LRP8: variants seen among roughly 807,000 people sequenced by gnomAD.
LRP8 encodes low-density lipoprotein receptor-related protein 8.
LRP8 carries 46 observed loss-of-function variants against 111.6 expected under a neutral mutation model. The ratio of observed to expected loss-of-function variants is 0.41; its 90% confidence interval spans 0.33 to 0.53. The LOEUF (loss-of-function observed/expected upper bound fraction) is 0.53. LRP8 is among the 20% of genes least tolerant of loss of function. The pLI, the probability that LRP8 is intolerant of heterozygous loss-of-function variation, is 0.20. For missense variants in LRP8, 959 were observed against 1,297.4 expected (o/e 0.74, Z 4.01); for synonymous variants, 464 against 511.2 (o/e 0.91, Z 1.24).
intron 6 of LRP8, chr1:53,272,696 A>C: frequency 6.2e-6 from 8 of 1,286,798 alleles, no homozygotes; most frequent in South Asian, 2.5e-5. Context: ...GGGATGACTC[A>C]GCCAGGCCCA....
At chr1:53,270,299 C>A (rs1646720117) in intron 8 of LRP8, among the ~76,000 whole-genome samples, 1 of 152,130 alleles carries the variant, frequency 6.6e-6, no homozygotes, top group South Asian at 2.1e-4. Flanking sequence ...GAAAGGAATG[C>A]CCCTTAAGAT....
intron 16 of LRP8, among the ~76,000 whole-genome samples, chr1:53,253,122 T>C (rs1333075228): frequency 6.6e-6 from 1 of 152,044 alleles, no homozygotes; most frequent in Non-Finnish European, 1.5e-5. Context: ...AAATTCCAAA[T>C]AGATTAATAT....
chr1:53,268,564 G>T, intron 8 of LRP8: 1 of 152,142 alleles, frequency 6.6e-6, no homozygotes, highest in South Asian at 2.1e-4. Flanking sequence ...CTGCTGTATT[G>T]TTATAATTTA....
Position 53,255,241 on chromosome 1 carries a change from T to C in LRP8, c.2435-56A>G, listed in dbSNP as rs187041970. 1.4e-4 allele frequency: 217 copies of C among 1,525,260 alleles called. No homozygotes were observed. The African/African-American group carries it at 2.5e-3, about 17-fold the overall frequency. The allele number at this position is 1,525,260 out of a possible 1,614,324, so 94.5% of individuals were successfully genotyped here. ...CTCTATCACTGTGTGTCCAAGCCCC[T>C]ACTGGCCTCAAGTGGTAAGAACTAC... On this transcript the variant is annotated intron_variant, in intron 15 of 18. Coordinates refer to ENST00000306052, the MANE Select transcript of LRP8 (RefSeq NM_004631.5).
At chr1:53,301,549 C>G (rs983046250) in intron 2 of LRP8, among the ~76,000 whole-genome samples, 2 of 152,058 alleles carry the variant, frequency 1.3e-5, no homozygotes, top group African/African-American at 4.8e-5. Flanking sequence ...TGGTGAAACC[C>G]CATCTCTACA....
chr1:53,312,921 AAATG>A, intron 2 of LRP8, among the ~76,000 whole-genome samples: 1 of 152,352 alleles, frequency 6.6e-6, no homozygotes, highest in Middle Eastern at 3.4e-3. Flanking sequence ...CGTGCTGGGC[AAATG>A]AAGTGGGCGT....
rs1393315661 is a variant in LRP8, at chr1:53,291,736, T to C, written c.245-2047A>G. The C allele has an allele frequency of 3.9e-5, 6 of 152,200 alleles. No homozygotes were observed. The East Asian group carries it at 1.2e-3, about 29-fold the overall frequency. The allele number at this position is 152,200 out of a possible 1,614,324, so 9.4% of individuals were successfully genotyped here. On this transcript the variant is annotated intron_variant, in intron 2 of 18. Coordinates refer to ENST00000306052, the MANE Select transcript of LRP8 (RefSeq NM_004631.5). Reference sequence around the variant, plus strand: ...TGGTCTCGGTCACACCACTCAATCCTGCCACTATGGGGCAGAAGCAGTCAG... The same window carrying C: ...TGGTCTCGGTCACACCACTCAATCCCGCCACTATGGGGCAGAAGCAGTCAG...
At chr1:53,300,441 C>T (rs773556432) in intron 2 of LRP8, among the ~76,000 whole-genome samples, 33 of 152,324 alleles carry the variant, frequency 2.2e-4, no homozygotes, top group South Asian at 8.3e-4. Flanking sequence ...AAAGGTAGGA[C>T]GTTAGCAAGC....
intron 2 of LRP8, among the ~76,000 whole-genome samples, chr1:53,311,388 G>A (rs1199338522): frequency 6.6e-6 from 1 of 152,110 alleles, no homozygotes; most frequent in Non-Finnish European, 1.5e-5. Context: ...CTGGGGTGTG[G>A]GCTCCAAGGA....
intron 8 of LRP8, among the ~76,000 whole-genome samples, chr1:53,269,967 C>T (rs1053622222): frequency 6.0e-5 from 9 of 151,158 alleles, no homozygotes; most frequent in Admixed American, 1.3e-4. Context: ...CTGCCCAGGT[C>T]GTGCTCTTTG....
chr1:53,288,722 C>A (rs1648058468), intron 3 of LRP8, among the ~76,000 whole-genome samples: 1 of 152,148 alleles, frequency 6.6e-6, no homozygotes, highest in African/African-American at 2.4e-5. Context: ...GCCCCACTAT[C>A]CTCCACATGC....
chr1:53,253,502 C>G lies in LRP8; in HGVS notation c.2503+1615G>C, dbSNP rs115146168. ...GCTGATAAGCTTACGAAAATATACT[C>G]TACCTCACAGGGAAATGTCAGGGAA... On this transcript the variant is annotated intron_variant, in intron 16 of 18. Coordinates refer to ENST00000306052, the MANE Select transcript of LRP8 (RefSeq NM_004631.5). Among the ~76,000 whole-genome samples, 596 of 152,300 alleles carry G rather than the reference C, an allele frequency of 3.9e-3. 5 individuals are homozygous for G. Among genetic ancestry groups the G allele is most frequent in the African/African-American group, 0.014 (571 of 41,566 alleles).
rs1026061236 is a variant in LRP8, at chr1:53,255,284, T to G, written c.2435-99A>C. The G allele has an allele frequency of 1.2e-5, 12 of 972,004 alleles. No homozygotes were observed. The African/African-American group carries it at 1.9e-4, about 15-fold the overall frequency. The allele number at this position is 972,004 out of a possible 1,614,324, so 60.2% of individuals were successfully genotyped here. On this transcript the variant is annotated intron_variant, in intron 15 of 18. Transcript: ENST00000306052. ...AGAACTACCCAACTGCTGCTCATCCTCATTCTAAAATGATGATCCTGGCTG... is the reference window on the plus strand; with the variant it reads ...AGAACTACCCAACTGCTGCTCATCCGCATTCTAAAATGATGATCCTGGCTG...
chr1:53,307,592 A>G (rs997210667), intron 2 of LRP8: 1 of 152,146 alleles, frequency 6.6e-6, no homozygotes, highest in Non-Finnish European at 1.5e-5. Flanking sequence ...TACTGAACAT[A>G]CTCAGACACG....
At chr1:53,322,143 T>C (rs150274196) in intron 2 of LRP8, among the ~76,000 whole-genome samples, 2 of 151,910 alleles carry the variant, frequency 1.3e-5, no homozygotes, top group African/African-American at 4.8e-5. Context: ...TGCCATTCAC[T>C]GAACACCTCC....
At chr1:53,260,677 C>T in intron 12 of LRP8, 72 bp from the exon 13 acceptor site, 7 of 1,506,316 alleles carry the variant, frequency 4.6e-6, no homozygotes, top group Non-Finnish European at 5.5e-6. Context: ...GGGGTTGGCC[C>T]CAAACCATAG....
intron 3 of LRP8, among the ~76,000 whole-genome samples, chr1:53,282,055 G>A (rs1390293677): frequency 2.6e-5 from 4 of 152,142 alleles, no homozygotes; most frequent in African/African-American, 7.2e-5. Flanking sequence ...CTCATGCTTC[G>A]CCCTCCATTT....
Position 53,308,036 on chromosome 1 carries a change from G to A in LRP8, c.245-18347C>T, listed in dbSNP as rs143888246. 5.6e-3 allele frequency among the ~76,000 whole-genome samples: 849 copies of A among 152,318 alleles called. 7 individuals carry two copies. The highest frequency in any genetic ancestry group is 0.02 in the African/African-American group (814 of 41,570). ...GAGACCCCTTCCCAGCAGCCCTGGCGGAGTGGTCTGGCCCCAGGTGCACAC... is the reference window on the plus strand; with the variant it reads ...GAGACCCCTTCCCAGCAGCCCTGGCAGAGTGGTCTGGCCCCAGGTGCACAC... On this transcript the variant is annotated intron_variant, in intron 2 of 18. Transcript: ENST00000306052.
chr1:53,284,604 C>T (rs748544998), intron 3 of LRP8, among the ~76,000 whole-genome samples: 5 of 152,314 alleles, frequency 3.3e-5, no homozygotes, highest in Non-Finnish European at 4.4e-5. Context: ...GTGCAGCAAG[C>T]GGCTGCTTGA....
Sources: gnomAD v4.1 joint callset for allele counts (sites outside exome capture counted in the v4.1 genomes callset) on GRCh38, gnomAD v4.1.1 for gene constraint, MANE v1.5 for transcripts, NCBI Gene and HGNC (gene_info 2026-07-23, HGNC 2026-07-21) for gene names.